LRRC4C: variants seen among roughly 807,000 people sequenced by gnomAD.
The protein encoded by LRRC4C is leucine-rich repeat-containing protein 4C.
In LRRC4C, 5 loss-of-function variants were observed where a neutral mutation model predicts 33.6. The ratio of observed to expected loss-of-function variants is 0.15; its 90% CI spans 0.08 to 0.31. LRRC4C has a LOEUF of 0.31. LRRC4C is among the 10% of genes least tolerant of loss of function. The pLI, the probability that LRRC4C is intolerant of heterozygous loss-of-function variation, is 1.00. For missense variants in LRRC4C, 560 were observed against 796.7 expected (o/e 0.70, Z 3.58); for synonymous variants, 329 against 302.0 (o/e 1.09, Z -0.93).
intron 3 of LRRC4C, among the ~76,000 whole-genome samples, chr11:40,336,955 G>T (rs564884344): frequency 1.7e-4 from 21 of 125,608 alleles, no homozygotes; most frequent in East Asian, 6.6e-4. Context: ...CCAGCCTGGG[G>T]GACAGAGCGA....
rs370020465 is a variant in LRRC4C, at chr11:40,133,487, T to C, written c.-43+7314A>G. ...CGAAGCACTAAAGATGTCTGGGATT[T>C]ATTTTATAGTAGAGTGCGGGGAAAG... On this transcript the variant is annotated intron_variant, in intron 6 of 6. Transcript: ENST00000528697. Among the ~76,000 whole-genome samples, 79 of 152,320 alleles carry C rather than the reference T, an allele frequency of 5.2e-4. 2 individuals are homozygous for C. In the South Asian group the frequency reaches 0.016, roughly 31 times the overall value.
intron 3 of LRRC4C, among the ~76,000 whole-genome samples, chr11:40,642,428 T>C (rs937512978): frequency 1.4e-4 from 21 of 152,274 alleles, no homozygotes; most frequent in African/African-American, 5.1e-4. Flanking sequence ...ATGTGATCTC[T>C]CTCCCTCTGT....
At chr11:40,483,639 C>A in intron 3 of LRRC4C, among the ~76,000 whole-genome samples, 1 of 151,848 alleles carries the variant, frequency 6.6e-6, no homozygotes, top group Non-Finnish European at 1.5e-5. Flanking sequence ...AAACAAAGAA[C>A]AATTATAACC....
intron 1 of LRRC4C, among the ~76,000 whole-genome samples, chr11:41,091,851 C>T (rs1299599045): frequency 6.6e-6 from 1 of 152,044 alleles, no homozygotes; most frequent in Non-Finnish European, 1.5e-5. Context: ...CTAATATTAG[C>T]CTATCTTGTG....
chr11:40,342,380 G>C (rs1363178914), intron 3 of LRRC4C, among the ~76,000 whole-genome samples: 2 of 152,134 alleles, frequency 1.3e-5, no homozygotes, highest in East Asian at 3.9e-4. Flanking sequence ...GAGGCTGGAG[G>C]ATCCCTTGAA....
chr11:41,293,702 A>T (rs1260474200), intron 1 of LRRC4C, among the ~76,000 whole-genome samples: 4 of 151,858 alleles, frequency 2.6e-5, no homozygotes, highest in African/African-American at 9.7e-5. Context: ...GGTTCAAGTG[A>T]TTCTCCTGCC....
chr11:40,433,493 T>C (rs575563690), intron 3 of LRRC4C, among the ~76,000 whole-genome samples: 1 of 152,160 alleles, frequency 6.6e-6, no homozygotes, highest in South Asian at 2.1e-4. Flanking sequence ...TCTTAACTTT[T>C]TGATTTCCTA....
At chr11:41,071,718 T>C (rs1330586414) in intron 1 of LRRC4C, among the ~76,000 whole-genome samples, 2 of 152,234 alleles carry the variant, frequency 1.3e-5, no homozygotes, top group South Asian at 2.1e-4. Context: ...ATTTAAGCAA[T>C]ACATTTTGAA....
At chr11:40,647,313 C>G (rs1217256390) in intron 3 of LRRC4C, among the ~76,000 whole-genome samples, 1 of 152,188 alleles carries the variant, frequency 6.6e-6, no homozygotes, top group Non-Finnish European at 1.5e-5. Flanking sequence ...AAAGTACAAA[C>G]TTCTCCTCTA....
In LRRC4C at chr11:40,766,900, A is replaced by G. The variant is rs533998593; in HGVS notation, c.-406-118622T>C. On this transcript the variant is annotated intron_variant, in intron 2 of 6. Coordinates refer to ENST00000528697, the MANE Select transcript of LRRC4C (RefSeq NM_001258419.2). ...GGAGAAGGGGGGAGGAAAAGAGGAA[A>G]GGAGGGAGGGAAGGAGGAGCCAGAA... Among the ~76,000 whole-genome samples, 20 of 151,476 alleles carry G rather than the reference A, an allele frequency of 1.3e-4. 1 individual carries two copies. In the East Asian group the frequency reaches 2.2e-3, roughly 16 times the overall value.
chr11:41,199,399 AAACT>A (rs940151336), intron 1 of LRRC4C, among the ~76,000 whole-genome samples: 1 of 152,056 alleles, frequency 6.6e-6, no homozygotes, highest in Non-Finnish European at 1.5e-5. Flanking sequence ...AAGAAAGAAA[AAACT>A]AACAGTTTTC....
chr11:40,722,675 G>C (rs1947084935), intron 2 of LRRC4C, among the ~76,000 whole-genome samples: 1 of 152,138 alleles, frequency 6.6e-6, no homozygotes, highest in Non-Finnish European at 1.5e-5. Flanking sequence ...CTCAGTGCAA[G>C]AACTCTAGAA....
intron 2 of LRRC4C, among the ~76,000 whole-genome samples, chr11:40,665,328 ATAT>A (rs1943717815): frequency 8.6e-4 from 6 of 6,956 alleles, no homozygotes; most frequent in Admixed American, 3.5e-3. Flanking sequence ...AAAAAAAAAT[ATAT>A]ATATATATAT....
intron 5 of LRRC4C, among the ~76,000 whole-genome samples, chr11:40,241,279 G>T (rs1865908604): frequency 6.6e-6 from 1 of 152,110 alleles, no homozygotes; most frequent in South Asian, 2.1e-4. Flanking sequence ...CTACTCGGGA[G>T]GCTGAGATGG....
At chr11:40,902,794 A>G (rs1030294875) in intron 2 of LRRC4C, among the ~76,000 whole-genome samples, 23 of 152,276 alleles carry the variant, frequency 1.5e-4, no homozygotes, top group African/African-American at 4.6e-4. Flanking sequence ...CTTTAATTCT[A>G]TGAAGGCTGA....
intron 2 of LRRC4C, among the ~76,000 whole-genome samples, chr11:40,927,618 G>A (rs1353761504): frequency 6.6e-6 from 1 of 152,116 alleles, no homozygotes; most frequent in Non-Finnish European, 1.5e-5. Context: ...GAAATGAAAG[G>A]ATTCTAGTCC....
At chr11:40,595,023 T>C (rs1398558995) in intron 3 of LRRC4C, among the ~76,000 whole-genome samples, 2 of 152,152 alleles carry the variant, frequency 1.3e-5, no homozygotes, top group Non-Finnish European at 2.9e-5. Flanking sequence ...AAATATTGAA[T>C]AGTTTTTTTC....
chr11:41,043,351 T>G (rs577816745), intron 1 of LRRC4C, among the ~76,000 whole-genome samples: 208 of 152,202 alleles, frequency 1.4e-3, no homozygotes, highest in Non-Finnish European at 2.4e-3. Flanking sequence ...CACTTCCTTG[T>G]CCTCTCAGAT....
chr11:41,212,450 A>C (rs1290614294), intron 1 of LRRC4C, among the ~76,000 whole-genome samples: 1 of 152,230 alleles, frequency 6.6e-6, no homozygotes. Context: ...CATGTGCATG[A>C]TGTGCAGGTT....
Sources: allele counts gnomAD v4.1 joint callset (sites outside exome capture counted in the v4.1 genomes callset), GRCh38; gene constraint gnomAD v4.1.1; transcripts MANE v1.5; gene names NCBI Gene and HGNC (gene_info 2026-07-23, HGNC 2026-07-21).